The following ANO3 variants were observed in gnomAD, a reference collection of about 807,000 sequenced individuals.
ANO3 encodes anoctamin-3.
Under a neutral mutation model 144.8 loss-of-function variants are expected in ANO3, and 99 were observed. The observed-to-expected ratio is 0.68, with a 90% confidence interval of 0.58 to 0.81. The LOEUF (loss-of-function observed/expected upper bound fraction) is 0.81, where lower values mean the gene tolerates loss of function less well. ANO3 is among the 30% of genes least tolerant of loss of function. The pLI is 0.00. For synonymous variants in ANO3, 414 were observed against 392.6 expected (o/e 1.05, Z -0.64); for missense variants, 905 against 1,202.2 (o/e 0.75, Z 3.66).
intron 1 of ANO3, among the ~76,000 whole-genome samples, chr11:26,217,327 C>T (rs1852053978): frequency 6.7e-6 from 1 of 148,586 alleles, no homozygotes; most frequent in African/African-American, 2.6e-5. Context: ...TAAAATCATC[C>T]CCCCCATCTA....
chr11:26,519,971 A>T (rs927824339), intron 6 of ANO3, among the ~76,000 whole-genome samples: 1 of 149,510 alleles, frequency 6.7e-6, no homozygotes, highest in Non-Finnish European at 1.5e-5. Flanking sequence ...GTTGGATTTT[A>T]CTAATTTAAA....
chr11:26,402,291 G>A (rs867470557), intron 1 of ANO3, among the ~76,000 whole-genome samples: 3 of 151,760 alleles, frequency 2.0e-5, no homozygotes, highest in East Asian at 1.9e-4. Context: ...CCACAACTTC[G>A]CCAGTGTCTG....
chr11:26,619,658 G>T (rs1852357745), intron 17 of ANO3, among the ~76,000 whole-genome samples: 1 of 151,742 alleles, frequency 6.6e-6, no homozygotes, highest in African/African-American at 2.4e-5. Context: ...GTAGAGATAG[G>T]GTTTCACCAT....
chr11:26,518,853 T>C (rs1460767032), intron 6 of ANO3, among the ~76,000 whole-genome samples: 2 of 152,024 alleles, frequency 1.3e-5, no homozygotes, highest in Non-Finnish European at 2.9e-5. Flanking sequence ...GAAGGAAATA[T>C]AATAAGAGAT....
chr11:26,541,323 A>G (rs1286369527), intron 10 of ANO3, among the ~76,000 whole-genome samples: 1 of 152,140 alleles, frequency 6.6e-6, no homozygotes, highest in Non-Finnish European at 1.5e-5. Context: ...GAGGGATAGC[A>G]TTAGGAGAAA....
chr11:26,552,700 T>A (rs1380955150), intron 12 of ANO3, among the ~76,000 whole-genome samples: 2 of 151,728 alleles, frequency 1.3e-5, no homozygotes, highest in African/African-American at 4.8e-5. Context: ...AAATATAAAC[T>A]ATGGCATGTC....
intron 18 of ANO3, among the ~76,000 whole-genome samples, chr11:26,629,872 C>T (rs1852720620): frequency 1.3e-5 from 2 of 152,298 alleles, no homozygotes; most frequent in South Asian, 4.1e-4. Flanking sequence ...CTCAGGTGAT[C>T]TGCCCGCCTT....
intron 3 of ANO3, among the ~76,000 whole-genome samples, chr11:26,461,486 C>T (rs1173068795): frequency 6.6e-6 from 1 of 152,044 alleles, no homozygotes; most frequent in Non-Finnish European, 1.5e-5. Context: ...CTCAAATTCA[C>T]TGACCACAAG....
At chr11:26,220,361 C>T (rs527567175) in intron 1 of ANO3, among the ~76,000 whole-genome samples, 11 of 152,280 alleles carry the variant, frequency 7.2e-5, no homozygotes, top group Non-Finnish European at 1.2e-4. Flanking sequence ...CCCAGTGACC[C>T]ACATGAAAAG....
intron 1 of ANO3, among the ~76,000 whole-genome samples, chr11:26,213,001 C>T (rs1443797258): frequency 1.3e-5 from 2 of 152,020 alleles, no homozygotes; most frequent in African/African-American, 4.8e-5. Context: ...AAACGTAATC[C>T]ATCACATAAA....
chr11:26,191,157 TC>T lies in ANO3; in HGVS notation c.154+1830del, dbSNP rs369015713. Among the ~76,000 whole-genome samples, 214 of 152,152 alleles carry T rather than the reference TC, an allele frequency of 1.4e-3. 3 individuals carry two copies. The highest frequency in any genetic ancestry group is 4.9e-3 in the African/African-American group (204 of 41,496). ...CAGGCGTGGTGGCACATGCCTGTAA[TC>T]CCAGCTACTTGGGAGGCTGAGACAG... On this transcript the variant is annotated intron_variant, in intron 1 of 27. Transcript: ENST00000672621.
At chr11:26,414,735 T>A (rs1857527066) in intron 1 of ANO3, among the ~76,000 whole-genome samples, 1 of 144,200 alleles carries the variant, frequency 6.9e-6, no homozygotes, top group African/African-American at 2.7e-5. Flanking sequence ...TCTGCACATG[T>A]ATACAGGAAC....
At chr11:26,369,456 T>C (rs1400452756) in intron 1 of ANO3, among the ~76,000 whole-genome samples, 1 of 152,154 alleles carries the variant, frequency 6.6e-6, no homozygotes. Flanking sequence ...CTTTTCAAAA[T>C]TTGTTTCAAT....
chr11:26,328,999 A>C (rs2133885217), upstream of ANO3, among the ~76,000 whole-genome samples: 1 of 152,094 alleles, frequency 6.6e-6, no homozygotes, highest in African/African-American at 2.4e-5. Flanking sequence ...ATTATACATT[A>C]ATCATGCCCC....
chr11:26,501,704 G>A (rs932092533), intron 4 of ANO3, among the ~76,000 whole-genome samples: 1 of 152,274 alleles, frequency 6.6e-6, no homozygotes, highest in Non-Finnish European at 1.5e-5. Flanking sequence ...AGCTGAGGCA[G>A]AACTATGACC....
In ANO3 at chr11:26,541,906, T is replaced by G. The variant is rs566139442; in HGVS notation, c.1033-41T>G. The G allele has an allele frequency of 3.2e-5, 50 of 1,575,932 alleles. No individual in the cohort carries two copies. The East Asian group carries it at 1.1e-3, about 35-fold the overall frequency. On this transcript the variant is annotated intron_variant, in intron 10 of 26. Coordinates refer to ENST00000256737, the MANE Select transcript of ANO3 (RefSeq NM_031418.4). Reference sequence around the variant, plus strand: ...AGTTCTTACTCAGTTAAAATTTCACTAAAAAATAGAACCAAATGTATCTTA... The same window carrying G: ...AGTTCTTACTCAGTTAAAATTTCACGAAAAAATAGAACCAAATGTATCTTA...
chr11:26,626,559 A>G (rs1195827520), intron 18 of ANO3, among the ~76,000 whole-genome samples: 1 of 152,176 alleles, frequency 6.6e-6, no homozygotes. Context: ...GAGGTATAGG[A>G]TGAGGCTGGA....
intron 17 of ANO3, among the ~76,000 whole-genome samples, chr11:26,602,349 G>A (rs1008577092): frequency 5.9e-5 from 9 of 152,088 alleles, no homozygotes; most frequent in Non-Finnish European, 8.8e-5. Context: ...TGGGCAGTGG[G>A]AAGCCATACT....
At chr11:26,252,129 A>C (rs2133820317) in intron 1 of ANO3, among the ~76,000 whole-genome samples, 1 of 152,336 alleles carries the variant, frequency 6.6e-6, no homozygotes, top group South Asian at 2.1e-4. Context: ...ATTTTCATAA[A>C]GTTCAAATTC....
Sources: gnomAD v4.1 joint callset for allele counts (sites outside exome capture counted in the v4.1 genomes callset) on GRCh38, gnomAD v4.1.1 for gene constraint, MANE v1.5 for transcripts, NCBI Gene and HGNC (gene_info 2026-07-23, HGNC 2026-07-21) for gene names.